The following NKAIN2 variants were observed in gnomAD, a reference collection of about 807,000 sequenced individuals.
The protein encoded by NKAIN2 is sodium/potassium transporting ATPase interacting 2.
NKAIN2 carries 14 observed loss-of-function variants against 32.6 expected under a neutral mutation model. That is an observed-to-expected ratio of 0.43 (90% CI 0.28 to 0.67). The LOEUF is 0.67. Among genes scored for constraint, NKAIN2 ranks in the 30% least tolerant of loss-of-function variants. The pLI, the probability that NKAIN2 is intolerant of heterozygous loss-of-function variation, is 0.17. For missense variants in NKAIN2, 198 were observed against 258.3 expected (o/e 0.77, Z 1.60); for synonymous variants, 80 against 87.2 (o/e 0.92, Z 0.46).
chr6:123,938,487 TAA>T (rs1394991713), intron 1 of NKAIN2, among the ~76,000 whole-genome samples: 1 of 135,100 alleles, frequency 7.4e-6, no homozygotes, highest in Non-Finnish European at 1.6e-5. Flanking sequence ...ACATAATATA[TAA>T]TATATATTTA....
intron 4 of NKAIN2, among the ~76,000 whole-genome samples, chr6:124,752,607 A>G (rs2114714313): frequency 6.6e-6 from 1 of 151,934 alleles, no homozygotes; most frequent in Non-Finnish European, 1.5e-5. Flanking sequence ...TACAATAAGC[A>G]GCTAATTTCA....
chr6:124,726,663 A>G, intron 4 of NKAIN2, among the ~76,000 whole-genome samples: 1 of 146,606 alleles, frequency 6.8e-6, no homozygotes, highest in African/African-American at 2.5e-5. Flanking sequence ...TCCTCCTCCA[A>G]AGGAACGCAG....
At chr6:124,333,525 T>C (rs1797748745) in intron 2 of NKAIN2, among the ~76,000 whole-genome samples, 1 of 151,936 alleles carries the variant, frequency 6.6e-6, no homozygotes, top group Admixed American at 6.6e-5. Context: ...CTGGGCGTGG[T>C]GGTGGGTGCT....
chr6:124,539,550 T>C (rs1353147096), intron 3 of NKAIN2, among the ~76,000 whole-genome samples: 1 of 152,198 alleles, frequency 6.6e-6, no homozygotes, highest in Non-Finnish European at 1.5e-5. Flanking sequence ...AATGTTTGTA[T>C]TACTATAAAT....
At chr6:124,735,017 T>C (rs1776867248) in intron 4 of NKAIN2, among the ~76,000 whole-genome samples, 1 of 151,934 alleles carries the variant, frequency 6.6e-6, no homozygotes, top group African/African-American at 2.4e-5. Flanking sequence ...AACATTATAG[T>C]ACAGATTTTA....
chr6:124,209,424 A>T (rs1394562007), intron 1 of NKAIN2, among the ~76,000 whole-genome samples: 1 of 151,848 alleles, frequency 6.6e-6, no homozygotes, highest in Non-Finnish European at 1.5e-5. Context: ...GAGTGCAGAT[A>T]TCTCTTTAAT....
intron 1 of NKAIN2, among the ~76,000 whole-genome samples, chr6:123,914,182 A>T (rs928719659): frequency 4.6e-5 from 7 of 151,986 alleles, no homozygotes; most frequent in African/African-American, 1.5e-4. Context: ...TCTTCTCACT[A>T]TGTGCTCATA....
chr6:124,596,970 C>T (rs544026313), intron 3 of NKAIN2, among the ~76,000 whole-genome samples: 1 of 152,234 alleles, frequency 6.6e-6, no homozygotes, highest in East Asian at 1.9e-4. Flanking sequence ...GATGTCCCAA[C>T]TTCAAGATAG....
chr6:124,010,113 G>C (rs898116253), intron 1 of NKAIN2, among the ~76,000 whole-genome samples: 4 of 152,136 alleles, frequency 2.6e-5, no homozygotes, highest in Admixed American at 2.6e-4. Flanking sequence ...TTTTAAGGAA[G>C]AGCAATGTCT....
At position 124,060,161 on chromosome 6, in the gene NKAIN2, A is replaced by G. The variant is rs576163805; in HGVS notation, c.55-222844A>G. Among the ~76,000 whole-genome samples, 10 of 152,276 alleles carry G rather than the reference A, an allele frequency of 6.6e-5. No individual in the cohort carries two copies. In the South Asian group the frequency reaches 2.1e-3, roughly 32 times the overall value. On this transcript the variant is annotated intron_variant, in intron 1 of 6. Transcript: ENST00000368417. ...GTTAACTCCACTGCTGTGTGGGCTA[A>G]TGGACCAAGCATCAGAAGAGACAAT...
intron 1 of NKAIN2, among the ~76,000 whole-genome samples, chr6:123,877,607 T>C (rs1176548783): frequency 6.6e-6 from 1 of 152,176 alleles, no homozygotes; most frequent in African/African-American, 2.4e-5. Context: ...AAGTGGTGAC[T>C]GAATGCCCTG....
At chr6:123,920,903 T>A (rs1562258627) in intron 1 of NKAIN2, among the ~76,000 whole-genome samples, 1 of 152,170 alleles carries the variant, frequency 6.6e-6, no homozygotes, top group Admixed American at 6.6e-5. Flanking sequence ...TACAGACACA[T>A]GCCCGCACAC....
intron 3 of NKAIN2, among the ~76,000 whole-genome samples, chr6:124,595,681 G>A (rs1782058559): frequency 6.7e-6 from 1 of 150,350 alleles, no homozygotes; most frequent in East Asian, 1.9e-4. Flanking sequence ...AAAAACCATA[G>A]GGAACTCAGC....
chr6:123,824,435 T>G (rs1774057853), intron 1 of NKAIN2, among the ~76,000 whole-genome samples: 1 of 152,056 alleles, frequency 6.6e-6, no homozygotes, highest in Non-Finnish European at 1.5e-5. Flanking sequence ...TAGTAAAAAC[T>G]AAAGGTGCAA....
chr6:124,149,816 A>T (rs1373815169), intron 1 of NKAIN2, among the ~76,000 whole-genome samples: 5 of 147,226 alleles, frequency 3.4e-5, no homozygotes, highest in African/African-American at 9.7e-5. Flanking sequence ...TATGCAGTGT[A>T]AGAGCAGTTA....
intron 4 of NKAIN2, among the ~76,000 whole-genome samples, chr6:124,712,819 G>T (rs1775568128): frequency 6.6e-6 from 1 of 151,890 alleles, no homozygotes; most frequent in African/African-American, 2.4e-5. Context: ...CGGCCATCTT[G>T]GCTCCTCCCC....
chr6:124,477,561 A>T (rs1425067151), intron 3 of NKAIN2, among the ~76,000 whole-genome samples: 2 of 151,940 alleles, frequency 1.3e-5, no homozygotes, highest in Non-Finnish European at 2.9e-5. Context: ...CTCCTGCATC[A>T]GCCCCCAGAT....
chr6:124,743,359 G>C (rs1463201777), intron 4 of NKAIN2, among the ~76,000 whole-genome samples: 2 of 151,796 alleles, frequency 1.3e-5, no homozygotes, highest in African/African-American at 2.4e-5. Context: ...GTTATGTGTG[G>C]AATAAGTTAA....
intron 1 of NKAIN2, among the ~76,000 whole-genome samples, chr6:124,128,347 C>T (rs569713497): frequency 1.3e-5 from 2 of 152,074 alleles, no homozygotes; most frequent in Non-Finnish European, 2.9e-5. Context: ...AACTGAGAAG[C>T]GAAGCATTTC....
Sources: allele counts gnomAD v4.1 joint callset (sites outside exome capture counted in the v4.1 genomes callset), GRCh38; gene constraint gnomAD v4.1.1; transcripts MANE v1.5; gene names NCBI Gene and HGNC (gene_info 2026-07-23, HGNC 2026-07-21).